The following PHF12 variants were observed in gnomAD, a reference collection of about 807,000 sequenced individuals.
PHF12 encodes the protein PHD finger protein 12.
PHF12 carries 6 observed loss-of-function variants against 99.8 expected under a neutral mutation model. That is an observed-to-expected ratio of 0.06 (90% confidence interval 0.03 to 0.12). PHF12 has a LOEUF of 0.12. PHF12 is among the 10% of genes least tolerant of loss of function. PHF12 has a pLI of 1.00. For missense variants in PHF12, 954 were observed against 1,300.1 expected (o/e 0.73, Z 4.09); for synonymous variants, 480 against 514.9 (o/e 0.93, Z 0.92).
At chr17:28,926,230 GTCA>G (rs1371784942) in intron 3 of PHF12, 1 of 155,516 alleles carries the variant, frequency 6.4e-6, no homozygotes, top group Non-Finnish European at 1.4e-5. Context: ...AACCAAGGAA[GTCA>G]TCATTCATTG....
At chr17:28,921,328 C>A (rs565826328) in intron 5 of PHF12, among the ~76,000 whole-genome samples, 7 of 152,168 alleles carry the variant, frequency 4.6e-5, no homozygotes, top group African/African-American at 1.4e-4. Flanking sequence ...ATACCTGGTT[C>A]ATTAAAAAAA....
intron 11 of PHF12, 75 bp from the exon 12 acceptor site, chr17:28,908,956 G>A (rs2039915425): frequency 7.2e-7 from 1 of 1,385,640 alleles, no homozygotes; most frequent in East Asian, 2.5e-5. Context: ...AACAAAATCT[G>A]GACCTTTGGC....
Position 28,923,942 on chromosome 17 carries a change from G to A in PHF12, c.682C>T (p.Pro228Ser). ...MERNPTQFQL[P>S]NELTCTTALP... ...GCAGTGGTACAAGTCAGTTCATTGG[G>A]CAACTGAAATTGGGTGGGGTTCCGC... is the stretch of plus-strand genomic sequence containing the variant. The change falls in exon 4 of 15, where the codon CCC (proline) becomes TCC (serine). Residue 228 changes from proline to serine, a missense_variant. Transcript: ENST00000332830. 1 of 1,612,824 alleles carries A rather than the reference G, an allele frequency of 6.2e-7. No homozygotes were observed.
rs765204260 is a variant in PHF12, at chr17:28,950,882, G to A, written c.66+13C>T. On this transcript the variant is annotated intron_variant, in intron 1 of 14. Coordinates refer to ENST00000332830, the MANE Select transcript of PHF12 (RefSeq NM_001033561.2). The surrounding 1 kb of genome is among the most constrained non-coding windows in gnomAD (Gnocchi z 5.7). ...CGGCGCTGGAGGAAGGAGATGAGGAGGGCCACTCTTACCTCCATCAGCCCC... is the reference window on the plus strand; with the variant it reads ...CGGCGCTGGAGGAAGGAGATGAGGAAGGCCACTCTTACCTCCATCAGCCCC... The A allele has an allele frequency of 5.9e-5, 95 of 1,612,248 alleles. No homozygotes were observed. The highest frequency in any genetic ancestry group is 7.5e-5 in the Non-Finnish European group (89 of 1,179,136).
rs377082849 is a variant in PHF12, at chr17:28,932,430, G to T, written c.249-5367C>A. Among the ~76,000 whole-genome samples the T allele has an allele frequency of 2.6e-5, 4 of 152,280 alleles. No homozygotes were observed. The East Asian group carries it at 5.8e-4, about 22-fold the overall frequency. On this transcript the variant is annotated intron_variant, in intron 2 of 14. Transcript: ENST00000332830. ...ATTACACGTGTGAGCCAACACGCCT[G>T]GCTCAATGCAAATTTTTTAGAGGAA...
chr17:28,911,009 A>T lies in PHF12; in HGVS notation c.2215+103T>A, dbSNP rs1419843847. 4 of 1,477,540 alleles carry T rather than the reference A, an allele frequency of 2.7e-6. No individual in the cohort carries two copies. In the African/African-American group the frequency reaches 5.6e-5, roughly 21 times the overall value. 91.5% of individuals were successfully genotyped at this position (1,477,540 alleles called of 1,614,324 possible). On this transcript the variant is annotated intron_variant, in intron 10 of 14. Coordinates refer to ENST00000332830, the MANE Select transcript of PHF12 (RefSeq NM_001033561.2). ...TCCCATCTCCCCCTAGGCCTCTGGG[A>T]TCAGGTGTCCCTTCCCTCCCTTTCT...
At position 28,950,637 on chromosome 17, in the gene PHF12, G is replaced by A; in HGVS notation, c.66+258C>T. 1.8e-6 allele frequency: 1 copy of A among 552,222 alleles called. No homozygotes were observed. The highest frequency in any genetic ancestry group is 3.1e-6 in the Non-Finnish European group (1 of 321,114). The allele number at this position is 552,222 out of a possible 1,614,324, so 34.2% of individuals were successfully genotyped here. A position where few individuals can be genotyped will look rare whatever the true frequency, so the allele number is the denominator to read the frequency against. On this transcript the variant is annotated intron_variant, in intron 1 of 14. Transcript: ENST00000332830. The surrounding 1 kb of genome is among the most constrained non-coding windows in gnomAD (Gnocchi z 5.7). ...CAACAAGAAGGGGGTGGGGAGGCCT[G>A]CCGGTGCAACGAGATGGAGTGGGCT...
At chr17:28,907,123 G>T in intron 13 of PHF12, 129 bp from the exon 14 acceptor site, 1 of 1,114,374 alleles carries the variant, frequency 9.0e-7, no homozygotes, top group Non-Finnish European at 1.3e-6. Flanking sequence ...CCCAGTCATG[G>T]CCCCTGTCCT....
chr17:28,913,826 T>C, intron 8 of PHF12, 53 bp downstream of exon 8: 2 of 1,563,658 alleles, frequency 1.3e-6, no homozygotes, highest in South Asian at 2.4e-5. Flanking sequence ...ATAACAGCTG[T>C]GGTGACACAG....
At chr17:28,917,732 G>A (rs76733279) in intron 6 of PHF12, among the ~76,000 whole-genome samples, 2,525 of 152,236 alleles carry the variant, frequency 0.017, 62 homozygotes, top group African/African-American at 0.057. Flanking sequence ...TTCCAAATTC[G>A]GCCTCTGACA....
intron 5 of PHF12, among the ~76,000 whole-genome samples, chr17:28,920,742 T>C (rs535394197): frequency 7.0e-4 from 106 of 152,238 alleles, no homozygotes; most frequent in African/African-American, 2.4e-3. Flanking sequence ...TTTGTATTTT[T>C]AGTAGAGATG....
chr17:28,917,180 T>A, intron 7 of PHF12, 105 bp downstream of exon 7: 1 of 1,493,660 alleles, frequency 6.7e-7, no homozygotes, highest in Non-Finnish European at 9.2e-7. Context: ...CAAACCTATT[T>A]CTGGGGCTTC....
rs1334726911 is a variant in PHF12 at position 28,949,092 on chromosome 17, T to C, written c.248+973A>G. ...CGGTTCGGTCTCTCCCCTCCTCTCA[T>C]GTCCAGTAAGGGGGAAAAAGCGTAC... On this transcript the variant is annotated intron_variant, in intron 2 of 14. Coordinates refer to ENST00000332830, the MANE Select transcript of PHF12 (RefSeq NM_001033561.2). This position sits in a 1 kb window ranked among gnomAD's most constrained non-coding sequence, Gnocchi z 4.6. Among the ~76,000 whole-genome samples, 3 of 152,074 alleles carry C rather than the reference T, an allele frequency of 2.0e-5. No individual in the cohort carries two copies. Among genetic ancestry groups the C allele is most frequent in the African/African-American group, 7.2e-5 (3 of 41,400 alleles).
intron 7 of PHF12, among the ~76,000 whole-genome samples, chr17:28,914,698 A>AT (rs2040031596): frequency 6.7e-6 from 1 of 150,106 alleles, no homozygotes; most frequent in Admixed American, 6.6e-5. Context: ...AAAAAAAAAA[A>AT]AAAATGCTTG....
In PHF12 at chr17:28,950,616, A is replaced by G. The variant is rs1598169904; in HGVS notation, c.66+279T>C. 1 of 528,240 alleles carries G rather than the reference A, an allele frequency of 1.9e-6. No individual in the cohort carries two copies. The highest frequency in any genetic ancestry group is 3.3e-6 in the Non-Finnish European group (1 of 302,540). 32.7% of individuals were successfully genotyped at this position (528,240 alleles called of 1,614,324 possible). A position where few individuals can be genotyped will look rare whatever the true frequency, so the allele number is the denominator to read the frequency against. On this transcript the variant is annotated intron_variant, in intron 1 of 14. Coordinates refer to ENST00000332830, the MANE Select transcript of PHF12 (RefSeq NM_001033561.2). The surrounding 1 kb of genome is among the most constrained non-coding windows in gnomAD (Gnocchi z 5.7). ...CTGGGGGAAGCACAAAGGGGCCAACAAGAAGGGGGTGGGGAGGCCTGCCGG... is the reference window on the plus strand; with the variant it reads ...CTGGGGGAAGCACAAAGGGGCCAACGAGAAGGGGGTGGGGAGGCCTGCCGG...
rs554452271 is a variant in PHF12, at chr17:28,906,612, C to T, written c.2681-95G>A. On this transcript the variant is annotated intron_variant, in intron 14 of 14. Transcript: ENST00000332830. This position sits in a 1 kb window ranked among gnomAD's most constrained non-coding sequence, Gnocchi z 4.2. ...GTTGGGCTCCTGCATCTCCCCATTC[C>T]AACTGCTGCATGACTAGGGAGGAAG... 168 of 1,360,762 alleles carry T rather than the reference C, an allele frequency of 1.2e-4. No individual in the cohort carries two copies. In the African/African-American group the frequency reaches 2.0e-3, roughly 16 times the overall value. 84.3% of individuals were successfully genotyped at this position (1,360,762 alleles called of 1,614,324 possible). A position where few individuals can be genotyped will look rare whatever the true frequency, so the allele number is the denominator to read the frequency against.
In PHF12 at chr17:28,950,265, G is replaced by A. The variant is rs117877090; in HGVS notation, c.67-19C>T. On this transcript the variant is annotated intron_variant, in intron 1 of 14. Transcript: ENST00000332830. The surrounding 1 kb of genome is among the most constrained non-coding windows in gnomAD (Gnocchi z 5.7). ...GGATTTGCTGCACACACATACAAAC[G>A]GCGTGTGTGCACACTCGGAGCTCCC... 1,470 of 1,599,886 alleles carry A rather than the reference G, an allele frequency of 9.2e-4. 62 individuals carry two copies. The East Asian group carries it at 0.032, about 35-fold the overall frequency.
At chr17:28,921,944 C>G (rs1162405794) in intron 4 of PHF12, 136 bp from the exon 5 acceptor site, 1 of 1,192,438 alleles carries the variant, frequency 8.4e-7, no homozygotes, top group Non-Finnish European at 1.2e-6. Context: ...CTCTGAGGCC[C>G]CTGGGGTTGA....
chr17:28,907,744 A>G, intron 12 of PHF12, 72 bp from the exon 13 acceptor site: 1 of 1,431,500 alleles, frequency 7.0e-7, no homozygotes, highest in South Asian at 1.2e-5. Flanking sequence ...CGGGGAGGTA[A>G]GACAGGGAGA....
Sources: gnomAD v4.1 joint callset for allele counts (sites outside exome capture counted in the v4.1 genomes callset) on GRCh38, gnomAD v4.1.1 for gene constraint, Gnocchi (gnomAD v3.1) non-coding constraint, MANE v1.5 for transcripts, NCBI Gene and HGNC (gene_info 2026-07-23, HGNC 2026-07-21) for gene names.